VEGFC: variants seen among roughly 807,000 people sequenced by gnomAD.
VEGFC encodes the protein FLT4 ligand DHM.
VEGFC carries 12 observed loss-of-function variants against 46.1 expected under a neutral mutation model. That is an observed-to-expected ratio of 0.26 (90% CI 0.17 to 0.42). The LOEUF (loss-of-function observed/expected upper bound fraction) is 0.42, where lower values mean the gene tolerates loss of function less well. Among genes scored for constraint, VEGFC ranks in the 10% least tolerant of loss-of-function variants. VEGFC has a pLI of 1.00. For synonymous variants in VEGFC, 232 were observed against 195.5 expected (o/e 1.19, Z -1.56); for missense variants, 488 against 529.4 (o/e 0.92, Z 0.77).
rs148024308 is a variant in VEGFC at position 176,744,261 on chromosome 4, A to G, written c.148-14515T>C. Among the ~76,000 whole-genome samples the G allele has an allele frequency of 6.1e-4, 93 of 152,196 alleles. No individual in the cohort carries two copies. The East Asian group carries it at 0.016, about 26-fold the overall frequency. The stretch of plus-strand genomic sequence containing the variant: ...ATTATACAATACCAGTCTCCAATTT[A>G]TAAACATAATTTATTACTAAGCTAT... On this transcript the variant is annotated intron_variant, in intron 1 of 6. Transcript: ENST00000618562.
rs956763446 is a variant in VEGFC at position 176,778,396 on chromosome 4, A to G, written c.147+13769T>C. On this transcript the variant is annotated intron_variant, in intron 1 of 6. Transcript: ENST00000618562. ...AAGGAAATAAAACACATATTTAGGA[A>G]AAAAAAAACAAGTAAATAGGAGCTT... Among the ~76,000 whole-genome samples the G allele has an allele frequency of 7.5e-4, 18 of 24,160 alleles. No homozygotes were observed. In the East Asian group the frequency reaches 0.38, roughly 503 times the overall value. The allele number at this position is 24,160 out of a possible 152,430, so 15.8% of individuals were successfully genotyped here.
At chr4:176,740,157 T>G (rs1353915767) in intron 1 of VEGFC, among the ~76,000 whole-genome samples, 9 of 128,660 alleles carry the variant, frequency 7.0e-5, no homozygotes, top group African/African-American at 2.7e-4. Context: ...AGAAGTTATA[T>G]ATATAGAATA....
intron 4 of VEGFC, among the ~76,000 whole-genome samples, chr4:176,710,006 G>A (rs913504153): frequency 1.5e-4 from 22 of 151,574 alleles, no homozygotes; most frequent in African/African-American, 5.4e-4. Context: ...AGAAGAAGAA[G>A]AAGTAATGAC....
At chr4:176,768,814 C>T (rs1160175314) in intron 1 of VEGFC, among the ~76,000 whole-genome samples, 1 of 151,896 alleles carries the variant, frequency 6.6e-6, no homozygotes, top group East Asian at 1.9e-4. Context: ...AACTGTTTAC[C>T]CTACTCTACT....
intron 1 of VEGFC, among the ~76,000 whole-genome samples, chr4:176,732,611 G>A (rs549993822): frequency 8.6e-5 from 13 of 151,762 alleles, no homozygotes; most frequent in East Asian, 5.9e-4. Context: ...AGTGGAATCC[G>A]TGAAAGTGGA....
intron 1 of VEGFC, among the ~76,000 whole-genome samples, chr4:176,751,679 T>C (rs1376850267): frequency 6.6e-6 from 1 of 151,962 alleles, no homozygotes; most frequent in Non-Finnish European, 1.5e-5. Flanking sequence ...GAATGTATGT[T>C]CAGCACAACA....
chr4:176,707,046 T>C (rs986336803), intron 4 of VEGFC, among the ~76,000 whole-genome samples: 7 of 152,204 alleles, frequency 4.6e-5, no homozygotes, highest in African/African-American at 1.7e-4. Flanking sequence ...GAGATCCTTT[T>C]ATGTTCTTGT....
intron 1 of VEGFC, among the ~76,000 whole-genome samples, chr4:176,776,906 T>C (rs1045185886): frequency 6.6e-6 from 1 of 152,224 alleles, no homozygotes; most frequent in Non-Finnish European, 1.5e-5. Context: ...TTATTTATCT[T>C]TAATATTTTA....
At chr4:176,692,765 C>T (rs370956948) in intron 4 of VEGFC, among the ~76,000 whole-genome samples, 90 of 148,028 alleles carry the variant, frequency 6.1e-4, no homozygotes, top group African/African-American at 1.9e-3. Flanking sequence ...TCTCCCAGCA[C>T]GCAGCTGGAG....
chr4:176,769,307 T>G (rs748845325), intron 1 of VEGFC, among the ~76,000 whole-genome samples: 1 of 152,264 alleles, frequency 6.6e-6, no homozygotes, highest in South Asian at 2.1e-4. Context: ...TGTGACCCTG[T>G]GTGGCATGCG....
chr4:176,765,492 A>G (rs1735603954), intron 1 of VEGFC, among the ~76,000 whole-genome samples: 1 of 152,096 alleles, frequency 6.6e-6, no homozygotes, highest in Non-Finnish European at 1.5e-5. Flanking sequence ...ATTAAACACA[A>G]AGAAAGCTAC....
At chr4:176,752,418 C>A (rs1213226263) in intron 1 of VEGFC, among the ~76,000 whole-genome samples, 1 of 152,076 alleles carries the variant, frequency 6.6e-6, no homozygotes, top group East Asian at 1.9e-4. Context: ...ATAGAGACAA[C>A]AACTTTTGAC....
intron 4 of VEGFC, among the ~76,000 whole-genome samples, chr4:176,695,572 C>G (rs1734296906): frequency 6.6e-6 from 1 of 151,720 alleles, no homozygotes; most frequent in South Asian, 2.1e-4. Flanking sequence ...TGGTACCATT[C>G]CTTCTGAAAC....
Position 176,792,189 on chromosome 4 carries a change from C to G in VEGFC, c.123G>C (p.Ala41=). The change falls in exon 1 of 7, where the codon GCG becomes GCC. Residue 41 remains alanine (A), a synonymous_variant. Coordinates refer to ENST00000618562, the MANE Select transcript of VEGFC (RefSeq NM_005429.5). This position sits in a 1 kb window ranked among gnomAD's most constrained non-coding sequence, Gnocchi z 6.3. ...AFESGLDLSD[A]EPDAGEATAY... Reference sequence around the variant, plus strand: ...CCGTGGCCTCGCCCGCGTCGGGCTCCGCGTCCGAGAGGTCGAGTCCGGACT... The same window carrying G: ...CCGTGGCCTCGCCCGCGTCGGGCTCGGCGTCCGAGAGGTCGAGTCCGGACT... The G allele has an allele frequency of 6.5e-7, 1 of 1,529,162 alleles. No individual in the cohort carries two copies. Among genetic ancestry groups the G allele is most frequent in the Non-Finnish European group, 8.8e-7 (1 of 1,142,776 alleles). The allele number at this position is 1,529,162 out of a possible 1,614,324, so 94.7% of individuals were successfully genotyped here.
At chr4:176,690,850 G>A (rs757193235) in intron 4 of VEGFC, among the ~76,000 whole-genome samples, 4 of 152,280 alleles carry the variant, frequency 2.6e-5, no homozygotes, top group Non-Finnish European at 2.9e-5. Flanking sequence ...CCATTATAAC[G>A]TGTTGGTAGA....
chr4:176,792,452 C>T lies in VEGFC; in HGVS notation c.-141G>A. The T allele has an allele frequency of 1.7e-6, 1 of 575,380 alleles. No individual in the cohort carries two copies. Among genetic ancestry groups the T allele is most frequent in the South Asian group, 4.6e-5 (1 of 21,738 alleles). 35.6% of individuals were successfully genotyped at this position (575,380 alleles called of 1,614,324 possible). ...CGACCCCCCCTGGGCGAGCCGGAGG[C>T]GGCGGGAGCGGGTCCGGGGCTCCGC... On this transcript the variant is annotated 5_prime_UTR_variant, in exon 1 of 7. Coordinates refer to ENST00000618562, the MANE Select transcript of VEGFC (RefSeq NM_005429.5). This position sits in a 1 kb window ranked among gnomAD's most constrained non-coding sequence, Gnocchi z 6.3.
At chr4:176,740,930 T>C in intron 1 of VEGFC, among the ~76,000 whole-genome samples, 1 of 151,904 alleles carries the variant, frequency 6.6e-6, no homozygotes, top group East Asian at 1.9e-4. Flanking sequence ...TTGTATAACG[T>C]TATCATCGAT....
intron 4 of VEGFC, among the ~76,000 whole-genome samples, chr4:176,691,949 G>T (rs1203776454): frequency 6.6e-6 from 1 of 152,166 alleles, no homozygotes; most frequent in Admixed American, 6.5e-5. Flanking sequence ...CACGCACCGT[G>T]CGCGAGCCGA....
At chr4:176,768,269 G>A (rs1233121276) in intron 1 of VEGFC, among the ~76,000 whole-genome samples, 5 of 151,932 alleles carry the variant, frequency 3.3e-5, no homozygotes, top group Admixed American at 2.6e-4. Context: ...CTAGAACCAT[G>A]GGACTGGGTT....
Sources: allele counts gnomAD v4.1 joint callset (sites outside exome capture counted in the v4.1 genomes callset), GRCh38; gene constraint gnomAD v4.1.1; non-coding constraint Gnocchi (gnomAD v3.1); transcripts MANE v1.5; gene names NCBI Gene and HGNC (gene_info 2026-07-23, HGNC 2026-07-21).